Variants in ERG observed in about 807,000 individuals in gnomAD.
ERG encodes transcriptional regulator ERG.
ERG carries 9 observed loss-of-function variants against 55.3 expected under a neutral mutation model. That is an observed-to-expected ratio of 0.16 (90% CI 0.10 to 0.28). ERG has a LOEUF of 0.28. ERG is among the 10% of genes least tolerant of loss of function. The pLI, the probability that ERG is intolerant of heterozygous loss-of-function variation, is 1.00. For synonymous variants in ERG, 223 were observed against 237.3 expected (o/e 0.94, Z 0.55); for missense variants, 434 against 631.6 (o/e 0.69, Z 3.35).
At chr21:38,451,602 T>C (rs1166480304) in intron 1 of ERG, among the ~76,000 whole-genome samples, 1 of 152,248 alleles carries the variant, frequency 6.6e-6, no homozygotes, top group Non-Finnish European at 1.5e-5. Flanking sequence ...CTCTATTGTT[T>C]ATAGTTTCTC....
intron 5 of ERG, among the ~76,000 whole-genome samples, chr21:38,401,408 G>A (rs1988485272): frequency 1.3e-5 from 2 of 152,176 alleles, no homozygotes; most frequent in South Asian, 4.1e-4. Flanking sequence ...TCACTAATAG[G>A]CTGATGTGTG....
chr21:38,424,187 G>GCTCTCTCTCTCTCTCTCTCTCTCT (rs1227355474), intron 2 of ERG, among the ~76,000 whole-genome samples: 3 of 110,078 alleles, frequency 2.7e-5, no homozygotes, highest in African/African-American at 9.5e-5. Flanking sequence ...CAGAGCTCGA[G>GCTCTCTCTCTCTCTCTCTCTCTCT]CTCTCTCTCT....
upstream of ERG, among the ~76,000 whole-genome samples, chr21:38,586,867 C>T (rs954186045): frequency 5.3e-5 from 8 of 152,214 alleles, no homozygotes; most frequent in African/African-American, 1.7e-4. Flanking sequence ...TTATTCACAA[C>T]AGACAAGGTA....
chr21:38,430,620 A>G (rs759356832), intron 2 of ERG, among the ~76,000 whole-genome samples: 8 of 152,268 alleles, frequency 5.3e-5, no homozygotes, highest in Non-Finnish European at 8.8e-5. Context: ...ACAGCAGCAG[A>G]AATTCCACAT....
chr21:38,603,359 G>A (rs11702226), intron 1 of ERG, among the ~76,000 whole-genome samples: 32,044 of 151,952 alleles, frequency 0.21, 3,960 homozygotes, highest in Non-Finnish European at 0.28. Context: ...GGTGGCTCAC[G>A]CCTGTAATCC....
chr21:38,497,893 G>A (rs561856445), intron 1 of ERG, among the ~76,000 whole-genome samples: 4 of 152,296 alleles, frequency 2.6e-5, no homozygotes, highest in South Asian at 2.1e-4. Flanking sequence ...GCCACTTGCC[G>A]AGTATCTCTT....
chr21:38,481,347 A>G (rs1046944107), intron 1 of ERG, among the ~76,000 whole-genome samples: 1 of 152,206 alleles, frequency 6.6e-6, no homozygotes, highest in Non-Finnish European at 1.5e-5. Context: ...TTACATGCGG[A>G]CGCTGTGGAA....
At chr21:38,419,470 C>T (rs181338253) in intron 3 of ERG, among the ~76,000 whole-genome samples, 3 of 152,150 alleles carry the variant, frequency 2.0e-5, no homozygotes, top group African/African-American at 7.2e-5. Flanking sequence ...TAACACCTAC[C>T]TTTTGCAATT....
At chr21:38,468,941 C>T (rs13048337) in intron 1 of ERG, among the ~76,000 whole-genome samples, 24 of 142,910 alleles carry the variant, frequency 1.7e-4, no homozygotes, top group Non-Finnish European at 3.1e-4. Flanking sequence ...ACCAAGATCG[C>T]GCCACTGCAC....
chr21:38,632,738 T>C (rs1415711281), intron 1 of ERG, among the ~76,000 whole-genome samples: 1 of 152,186 alleles, frequency 6.6e-6, no homozygotes, highest in Non-Finnish European at 1.5e-5. Flanking sequence ...CCTTTATAAA[T>C]TACCCAGTCT....
chr21:38,493,892 G>A (rs2059358537), intron 1 of ERG, among the ~76,000 whole-genome samples: 1 of 152,242 alleles, frequency 6.6e-6, no homozygotes, highest in Non-Finnish European at 1.5e-5. Context: ...TATGGCTGTG[G>A]GCTTCACAGC....
intron 2 of ERG, among the ~76,000 whole-genome samples, chr21:38,564,185 T>C (rs988509499): frequency 1.3e-5 from 2 of 152,170 alleles, no homozygotes; most frequent in East Asian, 3.8e-4. Flanking sequence ...TTATCTCCTG[T>C]GAATGCTGAA....
At chr21:38,535,036 T>C (rs921751027) in intron 2 of ERG, among the ~76,000 whole-genome samples, 3 of 152,144 alleles carry the variant, frequency 2.0e-5, no homozygotes, top group African/African-American at 7.2e-5. Flanking sequence ...CATGGTGGTT[T>C]GCTGCACCTA....
chr21:38,387,479 C>G (rs1360695672), intron 9 of ERG, among the ~76,000 whole-genome samples: 1 of 152,172 alleles, frequency 6.6e-6, no homozygotes, highest in Non-Finnish European at 1.5e-5. Context: ...CTGCCTCTGC[C>G]CTTTGTGGGA....
intron 1 of ERG, among the ~76,000 whole-genome samples, chr21:38,466,478 A>T (rs1361793571): frequency 8.5e-5 from 13 of 152,114 alleles, no homozygotes. Flanking sequence ...TTTGTTTCAC[A>T]TTTGCAGGAG....
chr21:38,629,970 G>C (rs1384189192), intron 1 of ERG, among the ~76,000 whole-genome samples: 1 of 152,138 alleles, frequency 6.6e-6, no homozygotes, highest in Non-Finnish European at 1.5e-5. Context: ...GATGGCCCTT[G>C]AAAACATTAT....
chr21:38,610,906 T>C (rs1201411329), intron 1 of ERG, among the ~76,000 whole-genome samples: 1 of 152,156 alleles, frequency 6.6e-6, no homozygotes, highest in African/African-American at 2.4e-5. Context: ...AGGAAGAAAG[T>C]GTTTCACACA....
In ERG at chr21:38,498,386, G is replaced by A. The variant is rs2836441; in HGVS notation, c.-6C>T. On this transcript the variant is annotated 5_prime_UTR_variant, in exon 1 of 10. Coordinates refer to ENST00000288319, the MANE Select transcript of ERG (RefSeq NM_182918.4). The surrounding 1 kb of genome is among the most constrained non-coding windows in gnomAD (Gnocchi z 4.6). ...ACCTTAATAGTGCTGGCCATAATGC[G>A]ATCAAGTTTATTGATCGTTAATAAA... 0.86 allele frequency: 1,378,475 copies of A among 1,597,572 alleles called. 595,893 individuals carry two copies. The highest frequency in any genetic ancestry group is 0.95 in the African/African-American group (70,352 of 74,434).
rs552142686 is a variant in ERG, at chr21:38,623,530, C to T, written c.-150+38128G>A. 5.9e-5 allele frequency among the ~76,000 whole-genome samples: 9 copies of T among 152,184 alleles called. No individual in the cohort carries two copies. The South Asian group carries it at 1.9e-3, about 32-fold the overall frequency. On this transcript the variant is annotated intron_variant, in intron 1 of 10. Coordinates refer to the ERG transcript ENST00000398910. ...TCAAAACACAATTTCACTTTTTGCCCCATCCGGCAGTGTTGGGGGTTTTGC... is the reference window on the plus strand; with the variant it reads ...TCAAAACACAATTTCACTTTTTGCCTCATCCGGCAGTGTTGGGGGTTTTGC...
Sources: allele counts gnomAD v4.1 joint callset (sites outside exome capture counted in the v4.1 genomes callset), GRCh38; gene constraint gnomAD v4.1.1; non-coding constraint Gnocchi (gnomAD v3.1); transcripts MANE v1.5; gene names NCBI Gene and HGNC (gene_info 2026-07-23, HGNC 2026-07-21).